Variants in ITPR1 observed in about 807,000 individuals in gnomAD.
ITPR1 encodes inositol 1,4,5-trisphosphate receptor type 1.
ITPR1 carries 96 observed loss-of-function variants against 318.4 expected under a neutral mutation model. That is an observed-to-expected ratio of 0.30 (90% confidence interval 0.26 to 0.36). ITPR1 has a LOEUF of 0.36. Among genes scored for constraint, ITPR1 ranks in the 10% least tolerant of loss-of-function variants. The pLI is 1.00. For missense variants in ITPR1, 2,440 were observed against 3,460.2 expected, an observed-to-expected ratio of 0.71 and a Z score of 7.40; for synonymous variants, 1,312 against 1,289.9, an observed-to-expected ratio of 1.02 and a Z score of -0.37.
chr3:4,635,442 C>G (rs1045483148), intron 5 of ITPR1, among the ~76,000 whole-genome samples: 1 of 152,032 alleles, frequency 6.6e-6, no homozygotes, highest in Non-Finnish European at 1.5e-5. Context: ...CCGGGTCCAC[C>G]CCTTTCTCCT....
intron 44 of ITPR1, among the ~76,000 whole-genome samples, chr3:4,738,592 C>T (rs891351193): frequency 2.6e-5 from 4 of 152,190 alleles, no homozygotes; most frequent in East Asian, 1.9e-4. Context: ...GGCTGAGGGC[C>T]GCCAGCACTG....
At chr3:4,666,369 G>A (rs17041145) in intron 17 of ITPR1, among the ~76,000 whole-genome samples, 8,967 of 152,250 alleles carry the variant, frequency 0.059, 389 homozygotes, top group East Asian at 0.11. Context: ...CGTTGATACT[G>A]TAATCCAATA....
intron 4 of ITPR1, among the ~76,000 whole-genome samples, chr3:4,565,426 T>C (rs2087130279): frequency 6.6e-6 from 1 of 152,238 alleles, no homozygotes; most frequent in South Asian, 2.1e-4. Context: ...TCCCTTGTTC[T>C]TTATCCCTGA....
rs17041201 is a variant in ITPR1, at chr3:4,684,589, C to T, written c.3564+243C>T. Among the ~76,000 whole-genome samples the T allele has an allele frequency of 0.06, 9,191 of 152,214 alleles. 637 individuals are homozygous for T. The highest frequency in any genetic ancestry group is 0.17 in the African/African-American group (7,051 of 41,492). ...CTCACCTTTTGTAGGTGCAACCTTT[C>T]GTAGGCACCGCATATTTCTGAAGCT... is the stretch of plus-strand genomic sequence containing the variant. On this transcript the variant is annotated intron_variant, in intron 29 of 61. Coordinates refer to ENST00000649015, the MANE Select transcript of ITPR1 (RefSeq NM_001378452.1).
chr3:4,811,516 A>C, intron 56 of ITPR1, 56 bp downstream of exon 56: 2 of 1,418,450 alleles, frequency 1.4e-6, no homozygotes, highest in Non-Finnish European at 2.0e-6. Context: ...CCTGATTATA[A>C]CTGAACTAAA....
chr3:4,808,888 C>T lies in ITPR1; in HGVS notation c.7273-2377C>T, dbSNP rs542014410. ...CCTCCCCCACAAAGACTGGCCGGAC[C>T]TGGTCGTGAGCCTGCATTAAAGCTG... On this transcript the variant is annotated intron_variant, in intron 55 of 61. Transcript: ENST00000649015. 3.3e-5 allele frequency among the ~76,000 whole-genome samples: 5 copies of T among 152,282 alleles called. No individual in the cohort carries two copies. In the South Asian group the frequency reaches 1.0e-3, roughly 32 times the overall value.
chr3:4,796,482 G>C (rs1329407931), intron 53 of ITPR1, among the ~76,000 whole-genome samples: 2 of 152,190 alleles, frequency 1.3e-5, no homozygotes, highest in Non-Finnish European at 2.9e-5. Flanking sequence ...GGCGGAGGAG[G>C]CCCAGGTCTC....
In ITPR1 at chr3:4,826,316, A is replaced by G. The variant is rs2050072591; in HGVS notation, c.8028+8074A>G. 6.6e-6 allele frequency among the ~76,000 whole-genome samples: 1 copy of G among 152,252 alleles called. No individual in the cohort carries two copies. Among genetic ancestry groups the G allele is most frequent in the Non-Finnish European group, 1.5e-5 (1 of 68,050 alleles). Reference sequence around the variant, plus strand: ...AGCTTTCCTTGTGGCCTAACCTGGGAGGCCACGAGCATTGGTTAAAATGTC... The same window carrying G: ...AGCTTTCCTTGTGGCCTAACCTGGGGGGCCACGAGCATTGGTTAAAATGTC... On this transcript the variant is annotated intron_variant, in intron 60 of 61. Coordinates refer to ENST00000649015, the MANE Select transcript of ITPR1 (RefSeq NM_001378452.1). The surrounding 1 kb of genome is among the most constrained non-coding windows in gnomAD (Gnocchi z 4.2).
intron 53 of ITPR1, 94 bp from the exon 54 acceptor site, chr3:4,800,331 T>G: frequency 3.0e-6 from 4 of 1,334,766 alleles, no homozygotes; most frequent in Non-Finnish European, 4.2e-6. Flanking sequence ...CCAAAAAAGT[T>G]ATTGAGGAAT....
intron 3 of ITPR1, among the ~76,000 whole-genome samples, chr3:4,519,358 CT>C (rs1389629541): frequency 6.6e-6 from 1 of 152,178 alleles, no homozygotes; most frequent in African/African-American, 2.4e-5. Flanking sequence ...TCCCATGTAG[CT>C]GGGACTACAG....
At chr3:4,548,692 C>G (rs554220790) in intron 4 of ITPR1, among the ~76,000 whole-genome samples, 2 of 152,234 alleles carry the variant, frequency 1.3e-5, no homozygotes, top group East Asian at 3.9e-4. Context: ...TCAGGAGTTT[C>G]ATTTGGGGGC....
At chr3:4,758,578 G>C (rs575742863) in intron 44 of ITPR1, among the ~76,000 whole-genome samples, 13 of 152,290 alleles carry the variant, frequency 8.5e-5, no homozygotes, top group African/African-American at 3.1e-4. Context: ...GGCTTCATGG[G>C]TATATGTCTA....
At chr3:4,612,662 G>A (rs752857867) in intron 4 of ITPR1, among the ~76,000 whole-genome samples, 33 of 152,150 alleles carry the variant, frequency 2.2e-4, no homozygotes, top group Middle Eastern at 3.4e-3. Context: ...CAAGGCAGGC[G>A]GATCACCTGA....
intron 4 of ITPR1, among the ~76,000 whole-genome samples, chr3:4,589,543 A>T (rs537217870): frequency 6.6e-5 from 10 of 152,260 alleles, no homozygotes; most frequent in Non-Finnish European, 1.5e-4. Context: ...TGTGAGTGTC[A>T]CTAGTCTGGA....
intron 4 of ITPR1, among the ~76,000 whole-genome samples, chr3:4,587,422 C>T (rs1031520495): frequency 6.6e-6 from 1 of 152,112 alleles, no homozygotes; most frequent in African/African-American, 2.4e-5. Flanking sequence ...AGGTGCATGC[C>T]ACCATGCCCC....
intron 20 of ITPR1, among the ~76,000 whole-genome samples, chr3:4,671,233 C>T (rs2094073172): frequency 6.6e-6 from 1 of 152,106 alleles, no homozygotes; most frequent in African/African-American, 2.4e-5. Flanking sequence ...GGGTCACATC[C>T]CTACCTCTCC....
At chr3:4,741,679 G>T (rs1322746564) in intron 44 of ITPR1, among the ~76,000 whole-genome samples, 1 of 152,124 alleles carries the variant, frequency 6.6e-6, no homozygotes, top group Non-Finnish European at 1.5e-5. Context: ...TCTGACCCCA[G>T]TTAGCAAAGA....
chr3:4,664,863 G>C (rs1013804020), intron 16 of ITPR1, among the ~76,000 whole-genome samples: 3 of 152,188 alleles, frequency 2.0e-5, no homozygotes, highest in African/African-American at 7.2e-5. Context: ...TTTCCACCTA[G>C]AATCTGCTGA....
intron 2 of ITPR1, among the ~76,000 whole-genome samples, chr3:4,496,663 G>T (rs1383148886): frequency 6.6e-6 from 1 of 152,154 alleles, no homozygotes; most frequent in African/African-American, 2.4e-5. Flanking sequence ...GGAAGATCAG[G>T]GTGTTGGTAT....
Sources: allele counts gnomAD v4.1 joint callset (sites outside exome capture counted in the v4.1 genomes callset), GRCh38; gene constraint gnomAD v4.1.1; non-coding constraint Gnocchi (gnomAD v3.1); transcripts MANE v1.5; gene names NCBI Gene and HGNC (gene_info 2026-07-23, HGNC 2026-07-21).